Variants in ANKHD1 observed in about 807,000 individuals in gnomAD.
The protein encoded by ANKHD1 is ankyrin repeat and KH domain containing 1.
A neutral mutation model predicts 230.5 loss-of-function variants in ANKHD1; 31 were observed. The observed-to-expected ratio is 0.13, with a 90% CI of 0.10 to 0.18. ANKHD1 has a LOEUF of 0.18. ANKHD1 is among the 10% of genes least tolerant of loss of function. ANKHD1 has a pLI of 1.00. For synonymous variants in ANKHD1, 1,074 were observed against 1,117.6 expected (o/e 0.96, Z 0.78); for missense variants, 2,256 against 3,071.3 (o/e 0.73, Z 6.27).
intron 1 of ANKHD1, among the ~76,000 whole-genome samples, chr5:140,413,766 T>C (rs1771125416): frequency 1.3e-5 from 2 of 152,074 alleles, no homozygotes. Flanking sequence ...TATCTGTTCA[T>C]TTGGGTTTTT....
In ANKHD1 at chr5:140,417,401, TTTAA is replaced by T. The variant is rs1168972013; in HGVS notation, c.306+15133_306+15136del. Among the ~76,000 whole-genome samples the T allele has an allele frequency of 2.6e-5, 4 of 151,770 alleles. No individual in the cohort carries two copies. In the East Asian group the frequency reaches 7.7e-4, roughly 29 times the overall value. The stretch of plus-strand genomic sequence containing the variant: ...TGGTTATTATTTATGTATTTATTTA[TTTAA>T]TTAAACATTTTTTTAATTAAAAAAT... On this transcript the variant is annotated intron_variant, in intron 1 of 33. Transcript: ENST00000360839.
rs1222187539 is a variant in ANKHD1 at position 140,507,915 on chromosome 5, C to G, written c.3682C>G (p.Leu1228Val). The G allele has an allele frequency of 6.2e-7, 1 of 1,614,020 alleles. No homozygotes were observed. Among genetic ancestry groups the G allele is most frequent in the Admixed American group, 1.7e-5 (1 of 60,012 alleles). ...AATAGAGACCAATCGGAACACGGCTCTCACCCTGGCCTGTTTCCAGGGCCG... is the reference window on the plus strand; with the variant it reads ...AATAGAGACCAATCGGAACACGGCTGTCACCCTGGCCTGTTTCCAGGGCCG... ...AQIETNRNTA[L>V]TLACFQGRAE... The change falls in exon 20 of 34, where the codon CTC (leucine) becomes GTC (valine). Residue 1228 changes from leucine (L) to valine (V), a missense_variant. This residue lies in a region of ANKHD1 where 195 missense variants were observed against 340.3 expected (regional missense o/e 0.57). Coordinates refer to ENST00000360839, the MANE Select transcript of ANKHD1 (RefSeq NM_017747.3). This position sits in a 1 kb window ranked among gnomAD's most constrained non-coding sequence, Gnocchi z 4.1.
At chr5:140,403,873 A>G (rs1330155132) in intron 1 of ANKHD1, among the ~76,000 whole-genome samples, 1 of 152,190 alleles carries the variant, frequency 6.6e-6, no homozygotes, top group Non-Finnish European at 1.5e-5. Context: ...TTTGAGAGGA[A>G]TAAGGAGAAA....
Position 140,491,133 on chromosome 5 carries a change from T to TAC in ANKHD1, c.2245+4074_2245+4075insCA, listed in dbSNP as rs1212367561. On this transcript the variant is annotated intron_variant, in intron 14 of 33. Coordinates refer to ENST00000360839, the MANE Select transcript of ANKHD1 (RefSeq NM_017747.3). ...ACACACACACACATATATATATATA[T>TAC]ATACACATATATATATATATATATA... Among the ~76,000 whole-genome samples the TAC allele has an allele frequency of 7.9e-3, 529 of 66,980 alleles. 7 individuals carry two copies. Among genetic ancestry groups the TAC allele is most frequent in the East Asian group, 0.023 (28 of 1,228 alleles). The allele number at this position is 66,980 out of a possible 152,430, so 43.9% of individuals were successfully genotyped here.
At chr5:140,505,319 T>G in intron 17 of ANKHD1, 86 bp downstream of exon 17, 1 of 1,398,206 alleles carries the variant, frequency 7.2e-7, no homozygotes, top group South Asian at 1.3e-5. Flanking sequence ...GTTCCTAGAC[T>G]ATCTCAGTGA....
At position 140,500,161 on chromosome 5, in the gene ANKHD1, G is replaced by A. The variant is rs563764727; in HGVS notation, c.3004+2883G>A. Among the ~76,000 whole-genome samples, 13 of 152,102 alleles carry A rather than the reference G, an allele frequency of 8.5e-5. No individual in the cohort carries two copies. The East Asian group carries it at 1.4e-3, about 16-fold the overall frequency. On this transcript the variant is annotated intron_variant, in intron 15 of 33. Coordinates refer to ENST00000360839, the MANE Select transcript of ANKHD1 (RefSeq NM_017747.3). ...TGGTTTTACGGGCGTGAGCCACCGCGCCTGGCCAAAATTTTCAATTCTAAT... is the reference window on the plus strand; with the variant it reads ...TGGTTTTACGGGCGTGAGCCACCGCACCTGGCCAAAATTTTCAATTCTAAT...
chr5:140,508,156 C>T (rs1455747109), intron 20 of ANKHD1, among the ~76,000 whole-genome samples, 158 bp downstream of exon 20: 1 of 152,208 alleles, frequency 6.6e-6, no homozygotes, highest in Non-Finnish European at 1.5e-5. Flanking sequence ...GAGTGACATA[C>T]TGTCACCATC....
At chr5:140,413,869 CTCCTGGGTTCAAGTGATTCTCCTG>C (rs1431668582) in intron 1 of ANKHD1, among the ~76,000 whole-genome samples, 1 of 152,100 alleles carries the variant, frequency 6.6e-6, no homozygotes, top group Non-Finnish European at 1.5e-5. Flanking sequence ...CAACCTCCAC[CTCCTGGGTTCAAGTGATTCTCCTG>C]CTTCAGCCTC....
chr5:140,444,776 C>T (rs1328734811), intron 5 of ANKHD1, among the ~76,000 whole-genome samples: 1 of 152,072 alleles, frequency 6.6e-6, no homozygotes, highest in Non-Finnish European at 1.5e-5. Context: ...GTAGAATATT[C>T]CCATCACCAC....
intron 1 of ANKHD1, among the ~76,000 whole-genome samples, chr5:140,419,616 T>G (rs1771710810): frequency 6.6e-6 from 1 of 151,738 alleles, no homozygotes; most frequent in African/African-American, 2.4e-5. Flanking sequence ...TGTACCACTG[T>G]GCCTGGCTGA....
intron 14 of ANKHD1, among the ~76,000 whole-genome samples, chr5:140,491,250 A>C (rs746996963): frequency 7.2e-6 from 1 of 138,552 alleles, no homozygotes; most frequent in Admixed American, 7.8e-5. Flanking sequence ...TGCAGCCCCA[A>C]CCTCCGAGGT....
chr5:140,409,440 C>A (rs1054281339), intron 1 of ANKHD1, among the ~76,000 whole-genome samples: 2 of 152,014 alleles, frequency 1.3e-5, no homozygotes, highest in African/African-American at 4.8e-5. Flanking sequence ...CATAAATTAT[C>A]ATTTGTAGTG....
Position 140,485,804 on chromosome 5 carries a change from A to G in ANKHD1, c.2142+72A>G. On this transcript the variant is annotated intron_variant, in intron 13 of 33. Transcript: ENST00000360839. The surrounding 1 kb of genome is among the most constrained non-coding windows in gnomAD (Gnocchi z 4.8). ...TGATTAGAAGTTTTTGTTTAAAATC[A>G]GTTTTAAGCAAAATGGACTTGTTTT... is the stretch of plus-strand genomic sequence containing the variant. 2 of 1,576,174 alleles carry G rather than the reference A, an allele frequency of 1.3e-6. No homozygotes were observed. The highest frequency in any genetic ancestry group is 1.7e-6 in the Non-Finnish European group (2 of 1,166,270).
At chr5:140,406,898 G>A (rs1288271024) in intron 1 of ANKHD1, among the ~76,000 whole-genome samples, 1 of 152,080 alleles carries the variant, frequency 6.6e-6, no homozygotes, top group African/African-American at 2.4e-5. Flanking sequence ...TTCTTAGCAT[G>A]TTTCTTAGCT....
At chr5:140,523,107 C>T (rs1217673676) in intron 24 of ANKHD1, among the ~76,000 whole-genome samples, 161 of 110,630 alleles carry the variant, frequency 1.5e-3, no homozygotes, top group African/African-American at 1.8e-3. Flanking sequence ...TTTTCTTTTT[C>T]CTTTTTTTTT....
Position 140,401,865 on chromosome 5 carries a change from G to C in ANKHD1, c.-103G>C. On this transcript the variant is annotated 5_prime_UTR_variant, in exon 1 of 34. Coordinates refer to ENST00000360839, the MANE Select transcript of ANKHD1 (RefSeq NM_017747.3). Reference sequence around the variant, plus strand: ...AGTTAGTGGCGCTGCTGGGACGGGGGAAAGGAGACGCTTCTTCCTCTTGCT... The same window carrying C: ...AGTTAGTGGCGCTGCTGGGACGGGGCAAAGGAGACGCTTCTTCCTCTTGCT... 2 of 1,429,180 alleles carry C rather than the reference G, an allele frequency of 1.4e-6. No individual in the cohort carries two copies. The highest frequency in any genetic ancestry group is 1.8e-6 in the Non-Finnish European group (2 of 1,096,110). 88.5% of individuals were successfully genotyped at this position (1,429,180 alleles called of 1,614,324 possible).
Position 140,485,731 on chromosome 5 carries a change from A to G in ANKHD1, c.2141A>G (p.Gln714Arg). 6.2e-7 allele frequency: 1 copy of G among 1,612,462 alleles called. No homozygotes were observed. Among genetic ancestry groups the G allele is most frequent in the South Asian group, 1.1e-5 (1 of 90,578 alleles). Residue 714 changes from glutamine to arginine, a missense_variant and splice_region_variant, in exon 13 of 34, where the codon CAG becomes CGG. By Grantham distance (43) the Gln-to-Arg change is conservative. Coordinates refer to ENST00000360839, the MANE Select transcript of ANKHD1 (RefSeq NM_017747.3). The surrounding 1 kb of genome is among the most constrained non-coding windows in gnomAD (Gnocchi z 4.8). The stretch of plus-strand genomic sequence containing the variant: ...CCTCCACCTTCTCAAGATCAGTCTC[A>G]GGTAAAGTAAAATGGAGCTTGTTTG... ...QLPPPSQDQS[Q>R]VPRVPTHTLA...
chr5:140,526,381 C>A lies in ANKHD1; in HGVS notation c.4878C>A (p.Pro1626=), dbSNP rs962918020. The A allele has an allele frequency of 1.2e-6, 2 of 1,614,078 alleles. No individual in the cohort carries two copies. The highest frequency in any genetic ancestry group is 2.7e-5 in the African/African-American group (2 of 75,032). Residue 1626 remains proline (P), a synonymous_variant, in exon 26 of 34, where the codon CCC becomes CCA. Transcript: ENST00000360839. Reference sequence around the variant, plus strand: ...TGGATGTGAATTCCTCTAAATACCCCTCACTGCTCCTTCATTCCCAAGAAG... The same window carrying A: ...TGGATGTGAATTCCTCTAAATACCCATCACTGCTCCTTCATTCCCAAGAAG... ...FVMDVNSSKY[P]SLLLHSQEEK...
Position 140,526,395 on chromosome 5 carries a change from A to G in ANKHD1, c.4892A>G (p.His1631Arg). 2 of 1,613,716 alleles carry G rather than the reference A, an allele frequency of 1.2e-6. No homozygotes were observed. The highest frequency in any genetic ancestry group is 1.7e-6 in the Non-Finnish European group (2 of 1,179,916). Residue 1631 changes from histidine to arginine, a missense_variant, in exon 26 of 34, where the codon CAT becomes CGT. Transcript: ENST00000360839. ...TCTAAATACCCCTCACTGCTCCTTC[A>G]TTCCCAAGAAGAAAAGACAAGTACT... Reference protein sequence around the residue: ...NSSKYPSLLLHSQEEKTSTAT... With the variant: ...NSSKYPSLLLRSQEEKTSTAT...
Sources: gnomAD v4.1 joint callset for allele counts (sites outside exome capture counted in the v4.1 genomes callset) on GRCh38, gnomAD v4.1.1 for gene constraint, gnomAD v4.1.1 regional missense constraint, Gnocchi (gnomAD v3.1) non-coding constraint, MANE v1.5 for transcripts, NCBI Gene and HGNC (gene_info 2026-07-23, HGNC 2026-07-21) for gene names.